The following SPAG16 variants were observed in gnomAD, a reference collection of about 807,000 sequenced individuals.
SPAG16 encodes sperm associated antigen 16, also known as sperm-associated antigen 16 protein.
Under a neutral mutation model 80.4 loss-of-function variants are expected in SPAG16, and 86 were observed. The observed-to-expected ratio is 1.07, with a 90% CI of 0.90 to 1.28. The LOEUF is 1.28. Ranked by LOEUF, SPAG16 falls within the 50% of genes most tolerant of loss-of-function variation. The pLI, the probability that SPAG16 is intolerant of heterozygous loss-of-function variation, is 0.00. For missense variants in SPAG16, 870 were observed against 765.3 expected, an observed-to-expected ratio of 1.14 and a Z score of -1.61; for synonymous variants, 294 against 265.9, an observed-to-expected ratio of 1.11 and a Z score of -1.03.
At chr2:213,398,612 A>C (rs964757625) in intron 9 of SPAG16, among the ~76,000 whole-genome samples, 1 of 152,126 alleles carries the variant, frequency 6.6e-6, no homozygotes, top group Non-Finnish European at 1.5e-5. Flanking sequence ...TTAAAGCTTT[A>C]CTCAAATGTT....
chr2:213,673,556 G>T (rs2063907325), intron 10 of SPAG16, among the ~76,000 whole-genome samples: 1 of 152,096 alleles, frequency 6.6e-6, no homozygotes, highest in African/African-American at 2.4e-5. Context: ...CAAGACCATT[G>T]AGTCAAGGGA....
At chr2:213,575,826 TTATTTTGTGTCTCAC>T (rs1304173613) in intron 10 of SPAG16, among the ~76,000 whole-genome samples, 1 of 152,192 alleles carries the variant, frequency 6.6e-6, no homozygotes, top group East Asian at 1.9e-4. Flanking sequence ...CCAATCTCTG[TTATTTTGTGTCTCAC>T]AAATCATTCT....
chr2:213,957,440 T>G (rs192339728), intron 12 of SPAG16, among the ~76,000 whole-genome samples: 408 of 151,390 alleles, frequency 2.7e-3, no homozygotes, highest in African/African-American at 9.4e-3. Flanking sequence ...CGTTGCTTTA[T>G]TATTTGCATG....
intron 15 of SPAG16, among the ~76,000 whole-genome samples, chr2:214,230,166 G>A (rs1488536675): frequency 6.6e-6 from 1 of 151,802 alleles, no homozygotes; most frequent in Non-Finnish European, 1.5e-5. Context: ...AGTGATCAGG[G>A]TATTTTGTGT....
intron 4 of SPAG16, among the ~76,000 whole-genome samples, chr2:213,314,064 TG>T (rs1214247706): frequency 6.6e-6 from 1 of 151,970 alleles, no homozygotes; most frequent in African/African-American, 2.4e-5. Flanking sequence ...ACTGGAATTC[TG>T]TCATAATATT....
chr2:213,633,341 A>G (rs1433262001), intron 10 of SPAG16, among the ~76,000 whole-genome samples: 1 of 152,026 alleles, frequency 6.6e-6, no homozygotes, highest in Non-Finnish European at 1.5e-5. Flanking sequence ...TCTTTCAAAA[A>G]TTTCTCTTTT....
chr2:213,346,608 C>T (rs1017883316), intron 6 of SPAG16, among the ~76,000 whole-genome samples: 1 of 152,132 alleles, frequency 6.6e-6, no homozygotes, highest in Non-Finnish European at 1.5e-5. Context: ...TCAATTTTGT[C>T]AAAGGCCTTT....
At chr2:214,048,538 T>G (rs2049464047) in intron 13 of SPAG16, among the ~76,000 whole-genome samples, 1 of 149,994 alleles carries the variant, frequency 6.7e-6, no homozygotes. Flanking sequence ...GAGAGTAGGA[T>G]GATTACCAGA....
intron 9 of SPAG16, among the ~76,000 whole-genome samples, chr2:213,377,898 TATATA>T (rs1324376063): frequency 8.4e-3 from 87 of 10,328 alleles, no homozygotes; most frequent in South Asian, 0.029. Context: ...TATATATATA[TATATA>T]TTTTTTTTTT....
intron 10 of SPAG16, among the ~76,000 whole-genome samples, chr2:213,538,044 G>T (rs1321591859): frequency 1.3e-5 from 2 of 152,034 alleles, no homozygotes; most frequent in Non-Finnish European, 2.9e-5. Context: ...TGAGGTTTTT[G>T]TCTATAAGAT....
At chr2:213,437,549 A>G (rs1218602129) in intron 9 of SPAG16, among the ~76,000 whole-genome samples, 1 of 152,176 alleles carries the variant, frequency 6.6e-6, no homozygotes, top group African/African-American at 2.4e-5. Context: ...TTTCAACACA[A>G]ATTCAGCCAT....
intron 7 of SPAG16, among the ~76,000 whole-genome samples, chr2:213,355,239 T>C (rs543361702): frequency 3.9e-4 from 60 of 152,306 alleles, no homozygotes; most frequent in Non-Finnish European, 5.6e-4. Context: ...GTTTTGGTAC[T>C]GGTACCATGC....
chr2:213,404,371 T>A (rs1236192741), intron 9 of SPAG16, among the ~76,000 whole-genome samples: 1 of 152,026 alleles, frequency 6.6e-6, no homozygotes, highest in African/African-American at 2.4e-5. Flanking sequence ...TATAGACCAA[T>A]GGAACAGAAC....
At chr2:213,836,583 C>G (rs995635513) in intron 10 of SPAG16, among the ~76,000 whole-genome samples, 3 of 151,760 alleles carry the variant, frequency 2.0e-5, no homozygotes, top group Non-Finnish European at 4.4e-5. Context: ...TTTAATGAGA[C>G]CTTTTTCCAA....
At chr2:213,774,931 C>T (rs2069478662) in intron 10 of SPAG16, among the ~76,000 whole-genome samples, 1 of 152,182 alleles carries the variant, frequency 6.6e-6, no homozygotes, top group Non-Finnish European at 1.5e-5. Context: ...TTTCTCATAT[C>T]TCCTACTCAG....
chr2:214,131,218 A>AC (rs1298927715), intron 14 of SPAG16, among the ~76,000 whole-genome samples: 1 of 152,058 alleles, frequency 6.6e-6, no homozygotes, highest in Non-Finnish European at 1.5e-5. Context: ...TACCAAAAAA[A>AC]AGTAGCTGGG....
rs1171199832 is a variant in SPAG16, at chr2:214,250,757, TAGAGAG to T, written c.1720+101518_1720+101523del. 9.4e-3 allele frequency among the ~76,000 whole-genome samples: 859 copies of T among 91,252 alleles called. 6 individuals carry two copies. Among genetic ancestry groups the T allele is most frequent in the African/African-American group, 0.027 (675 of 24,626 alleles). The allele number at this position is 91,252 out of a possible 152,430, so 59.9% of individuals were successfully genotyped here. ...AGATATATATATATATATATATATA[TAGAGAG>T]AGAGAGAGAGAGAGAGAGAGAGAGA... On this transcript the variant is annotated intron_variant, in intron 15 of 15. Coordinates refer to ENST00000331683, the MANE Select transcript of SPAG16 (RefSeq NM_024532.5).
At chr2:213,945,651 A>G (rs916854959) in intron 12 of SPAG16, among the ~76,000 whole-genome samples, 2 of 152,142 alleles carry the variant, frequency 1.3e-5, no homozygotes, top group African/African-American at 4.8e-5. Flanking sequence ...TCTTTTGGCA[A>G]CACCCTCACA....
In SPAG16 at chr2:213,785,956, G is replaced by A. The variant is rs568549330; in HGVS notation, c.1071-76529G>A. On this transcript the variant is annotated intron_variant, in intron 10 of 15. Transcript: ENST00000331683. The stretch of plus-strand genomic sequence containing the variant: ...CGGGAGGCGGAGTTTGCAGTGAGCC[G>A]AGATCACACCATTGCACTCCAGCCT... 2.9e-4 allele frequency among the ~76,000 whole-genome samples: 44 copies of A among 150,016 alleles called. 2 individuals carry two copies. The highest frequency in any genetic ancestry group is 1.3e-3 in the Admixed American group (19 of 15,074).
Sources: gnomAD v4.1 joint callset for allele counts (sites outside exome capture counted in the v4.1 genomes callset) on GRCh38, gnomAD v4.1.1 for gene constraint, MANE v1.5 for transcripts, NCBI Gene and HGNC (gene_info 2026-07-23, HGNC 2026-07-21) for gene names.